DOCK1: variants seen among roughly 807,000 people sequenced by gnomAD.
DOCK1 encodes dedicator of cytokinesis 1.
A neutral mutation model predicts 262.7 loss-of-function variants in DOCK1; 138 were observed. That is an observed-to-expected ratio of 0.53 (90% CI 0.46 to 0.61). DOCK1 has a LOEUF of 0.61. DOCK1 is among the 20% of genes least tolerant of loss of function. The pLI, the probability that DOCK1 is intolerant of heterozygous loss-of-function variation, is 0.00. For missense variants in DOCK1, 1,908 were observed against 2,370.7 expected, an observed-to-expected ratio of 0.80 and a Z score of 4.05; for synonymous variants, 866 against 867.4, an observed-to-expected ratio of 1.00 and a Z score of 0.03.
At chr10:126,962,321 G>C (rs1418576648) in intron 1 of DOCK1, among the ~76,000 whole-genome samples, 1 of 152,176 alleles carries the variant, frequency 6.6e-6, no homozygotes, top group African/African-American at 2.4e-5. Flanking sequence ...CGCCATGCCC[G>C]ACTAATTTTG....
chr10:127,257,177 G>A (rs1337420276), intron 28 of DOCK1, among the ~76,000 whole-genome samples, 158 bp from the exon 29 acceptor site: 1 of 152,130 alleles, frequency 6.6e-6, no homozygotes, highest in African/African-American at 2.4e-5. Flanking sequence ...AGAAAGACAG[G>A]TCTAATTCAC....
rs1340412265 is a variant in DOCK1, at chr10:127,158,734, C to G, written c.2847+30970C>G. Among the ~76,000 whole-genome samples the G allele has an allele frequency of 1.2e-4, 19 of 152,168 alleles. 1 individual carries two copies. Among genetic ancestry groups the G allele is most frequent in the Admixed American group, 1.2e-3 (19 of 15,286 alleles). Reference sequence around the variant, plus strand: ...CTCCCCATATGAACTCCTTTGGGTGCTAATGATAAGCATGTTCATTGTAGA... The same window carrying G: ...CTCCCCATATGAACTCCTTTGGGTGGTAATGATAAGCATGTTCATTGTAGA... On this transcript the variant is annotated intron_variant, in intron 27 of 51. Coordinates refer to ENST00000623213, the MANE Select transcript of DOCK1 (RefSeq NM_001290223.2).
intron 22 of DOCK1, among the ~76,000 whole-genome samples, 188 bp from the exon 23 acceptor site, chr10:127,061,480 G>T: frequency 6.6e-6 from 1 of 152,210 alleles, no homozygotes; most frequent in East Asian, 1.9e-4. Context: ...GTGGAGGCAC[G>T]CTGCCTTGGC....
At chr10:127,381,965 GGA>G (rs1230335710) in intron 37 of DOCK1, among the ~76,000 whole-genome samples, 1 of 142,114 alleles carries the variant, frequency 7.0e-6, no homozygotes, top group African/African-American at 2.7e-5. Flanking sequence ...ACGTATGGAT[GGA>G]TGGATGGATG....
At chr10:127,204,896 G>T (rs919855087) in intron 27 of DOCK1, among the ~76,000 whole-genome samples, 1 of 152,182 alleles carries the variant, frequency 6.6e-6, no homozygotes, top group East Asian at 1.9e-4. Context: ...CCTATGACCC[G>T]CCTCCAGATC....
intron 29 of DOCK1, among the ~76,000 whole-genome samples, chr10:127,283,818 T>C (rs542349785): frequency 6.6e-5 from 10 of 152,354 alleles, no homozygotes; most frequent in African/African-American, 2.2e-4. Context: ...AAGTTGTATC[T>C]GTTGCAGATA....
chr10:127,412,305 T>A (rs951147580), intron 43 of DOCK1, among the ~76,000 whole-genome samples: 1 of 152,178 alleles, frequency 6.6e-6, no homozygotes, highest in African/African-American at 2.4e-5. Flanking sequence ...CTTTCATGGA[T>A]TCATTTGTAT....
intron 39 of DOCK1, among the ~76,000 whole-genome samples, 157 bp from the exon 40 acceptor site, chr10:127,404,168 A>G (rs537728312): frequency 5.8e-4 from 89 of 152,190 alleles, no homozygotes; most frequent in African/African-American, 2.0e-3. Context: ...ATTCAGGTGC[A>G]AGCCTCAGTA....
intron 27 of DOCK1, among the ~76,000 whole-genome samples, chr10:127,148,134 G>C (rs1014410273): frequency 1.3e-5 from 2 of 151,202 alleles, no homozygotes; most frequent in Admixed American, 6.6e-5. Flanking sequence ...CGTTTCACAA[G>C]CTCCCCCTCT....
chr10:127,279,453 G>C (rs565423301), intron 29 of DOCK1, among the ~76,000 whole-genome samples: 23 of 152,196 alleles, frequency 1.5e-4, no homozygotes, highest in Non-Finnish European at 4.4e-5. Context: ...TCCAGAGTCC[G>C]TGTTCTGTAT....
At chr10:127,287,162 C>T (rs925644743) in intron 29 of DOCK1, among the ~76,000 whole-genome samples, 9 of 151,584 alleles carry the variant, frequency 5.9e-5, no homozygotes, top group African/African-American at 2.2e-4. Context: ...CTGCCTTAGC[C>T]TCCCAAAGTG....
chr10:127,012,874 C>T lies in DOCK1; in HGVS notation c.1201+500C>T, dbSNP rs2041573216. On this transcript the variant is annotated intron_variant, in intron 12 of 51. Coordinates refer to ENST00000623213, the MANE Select transcript of DOCK1 (RefSeq NM_001290223.2). The surrounding 1 kb of genome is among the most constrained non-coding windows in gnomAD (Gnocchi z 4.0). ...GCTGGCAGAAGGAATGAATCAGTCACCTCGGGCTGGTGACAGTTGGCACTT... is the reference window on the plus strand; with the variant it reads ...GCTGGCAGAAGGAATGAATCAGTCATCTCGGGCTGGTGACAGTTGGCACTT... Among the ~76,000 whole-genome samples, 1 of 152,164 alleles carries T rather than the reference C, an allele frequency of 6.6e-6. No homozygotes were observed. The highest frequency in any genetic ancestry group is 2.4e-5 in the African/African-American group (1 of 41,436).
At chr10:127,302,018 C>T (rs1001251597) in intron 29 of DOCK1, among the ~76,000 whole-genome samples, 2 of 151,992 alleles carry the variant, frequency 1.3e-5, no homozygotes, top group African/African-American at 4.8e-5. Context: ...TGTGCCTTCC[C>T]TTTTTCTTGC....
chr10:127,031,806 CT>C (rs2043258750), intron 17 of DOCK1, 53 bp downstream of exon 17: 1 of 1,517,314 alleles, frequency 6.6e-7, no homozygotes, highest in Non-Finnish European at 9.0e-7. Flanking sequence ...TCAGTCTTTT[CT>C]GGGCTCCCTG....
chr10:127,445,998 C>T (rs538665239), intron 50 of DOCK1, among the ~76,000 whole-genome samples: 4 of 152,342 alleles, frequency 2.6e-5, no homozygotes, highest in Admixed American at 2.6e-4. Flanking sequence ...CGCCTGTCAT[C>T]CCAGCACTTT....
intron 13 of DOCK1, among the ~76,000 whole-genome samples, chr10:127,020,927 A>C (rs910781910): frequency 6.6e-6 from 1 of 152,150 alleles, no homozygotes; most frequent in South Asian, 2.1e-4. Flanking sequence ...CTACTTTCTC[A>C]TAGCTCGTTG....
chr10:127,397,601 C>T (rs1005464339), intron 38 of DOCK1, among the ~76,000 whole-genome samples: 18 of 150,702 alleles, frequency 1.2e-4, no homozygotes, highest in African/African-American at 3.2e-4. Context: ...ATGAGTTACA[C>T]GGGCAGCGTC....
At chr10:126,953,868 G>A (rs953043359) in intron 1 of DOCK1, among the ~76,000 whole-genome samples, 31 of 152,242 alleles carry the variant, frequency 2.0e-4, no homozygotes, top group African/African-American at 6.7e-4. Context: ...TGTCAGAGCC[G>A]ATGGAGCTTT....
At chr10:127,025,815 C>T (rs2042800277) in intron 15 of DOCK1, 1 of 155,932 alleles carries the variant, frequency 6.4e-6, no homozygotes, top group African/African-American at 2.4e-5. Context: ...GTAATCCCAG[C>T]ACTTTGGGAG....
Sources: gnomAD v4.1 joint callset for allele counts (sites outside exome capture counted in the v4.1 genomes callset) on GRCh38, gnomAD v4.1.1 for gene constraint, Gnocchi (gnomAD v3.1) non-coding constraint, MANE v1.5 for transcripts, NCBI Gene and HGNC (gene_info 2026-07-23, HGNC 2026-07-21) for gene names.